HDGFL2: variants seen among roughly 807,000 people sequenced by gnomAD.
HDGFL2 encodes the protein HDGF like 2.
In HDGFL2, 36 loss-of-function variants were observed where a neutral mutation model predicts 77.1. The ratio of observed to expected loss-of-function variants is 0.47; its 90% CI spans 0.36 to 0.62. The LOEUF (loss-of-function observed/expected upper bound fraction) is 0.62, where lower values mean the gene tolerates loss of function less well. Among genes scored for constraint, HDGFL2 ranks in the 20% least tolerant of loss-of-function variants. HDGFL2 has a pLI of 0.00. For missense variants in HDGFL2, 976 were observed against 973.4 expected (o/e 1.00, Z -0.04); for synonymous variants, 463 against 413.1 (o/e 1.12, Z -1.46).
intron 3 of HDGFL2, among the ~76,000 whole-genome samples, chr19:4,485,037 A>G (rs1444579625): frequency 5.9e-5 from 9 of 151,750 alleles, no homozygotes; most frequent in Admixed American, 5.9e-4. Context: ...CCATCTCCTG[A>G]GCTTATGATC....
intron 10 of HDGFL2, chr19:4,496,869 C>CTTTTTT: frequency 2.6e-5 from 9 of 345,780 alleles, no homozygotes; most frequent in Non-Finnish European, 3.9e-5. Context: ...TCCCAGCTCA[C>CTTTTTT]TTTTTTTTTT....
rs747305046 is a variant in HDGFL2 at position 4,495,385 on chromosome 19, C to CAAAAAA, written c.1225-898_1225-893dup. Among the ~76,000 whole-genome samples, 194 of 54,094 alleles carry CAAAAAA rather than the reference C, an allele frequency of 3.6e-3. 11 individuals carry two copies. Among genetic ancestry groups the CAAAAAA allele is most frequent in the Non-Finnish European group, 4.1e-3 (129 of 31,182 alleles). The allele number at this position is 54,094 out of a possible 152,430, so 35.5% of individuals were successfully genotyped here. Reference sequence around the variant, plus strand: ...CCTGGGCCAGAGCGAGACTCCATCTCAAAAAAAAAAAAAAAAAAAAAAAAT... The same window carrying CAAAAAA: ...CCTGGGCCAGAGCGAGACTCCATCTCAAAAAAAAAAAAAAAAAAAAAAAAAAAAAAT... On this transcript the variant is annotated intron_variant, in intron 9 of 15. Coordinates refer to ENST00000616600, the MANE Select transcript of HDGFL2 (RefSeq NM_001001520.3).
chr19:4,483,716 G>A (rs1055394030), intron 3 of HDGFL2, among the ~76,000 whole-genome samples: 2 of 151,182 alleles, frequency 1.3e-5, no homozygotes, highest in East Asian at 3.9e-4. Flanking sequence ...GACACCATGC[G>A]TGCCCCACTC....
At chr19:4,485,443 A>G (rs1975335527) in intron 3 of HDGFL2, among the ~76,000 whole-genome samples, 2 of 152,030 alleles carry the variant, frequency 1.3e-5, no homozygotes, top group Admixed American at 6.6e-5. Flanking sequence ...GTGGCTTTTA[A>G]AAATCTCAGT....
intron 3 of HDGFL2, among the ~76,000 whole-genome samples, chr19:4,481,502 A>G (rs1975216721): frequency 6.9e-6 from 1 of 144,294 alleles, no homozygotes; most frequent in African/African-American, 2.6e-5. Context: ...AATTTTTTGT[A>G]TTTTTAGTAG....
At chr19:4,488,533 G>T (rs1975419229) in intron 3 of HDGFL2, 143 bp from the exon 4 acceptor site, 1 of 757,996 alleles carries the variant, frequency 1.3e-6, no homozygotes, top group Admixed American at 2.7e-5. Flanking sequence ...CTGGGCCTCG[G>T]TTTCCCCATT....
intron 3 of HDGFL2, among the ~76,000 whole-genome samples, chr19:4,485,250 A>G (rs186313197): frequency 1.8e-3 from 278 of 152,294 alleles, no homozygotes; most frequent in Non-Finnish European, 2.9e-3. Context: ...TAGAAATGGA[A>G]TCACACACTG....
intron 6 of HDGFL2, among the ~76,000 whole-genome samples, chr19:4,492,590 G>GGTATGTGT (rs1975546798): frequency 6.6e-6 from 1 of 151,070 alleles, no homozygotes; most frequent in Non-Finnish European, 1.5e-5. Context: ...TATGGTTTGT[G>GGTATGTGT]GTATGTGTGT....
chr19:4,496,277 A>G (rs774644290), intron 9 of HDGFL2, 25 bp from the exon 10 acceptor site: 1 of 1,598,672 alleles, frequency 6.3e-7, no homozygotes, highest in South Asian at 1.1e-5. Flanking sequence ...CCACTGCTCC[A>G]GCGCGCCCTT....
intron 4 of HDGFL2, among the ~76,000 whole-genome samples, chr19:4,489,563 C>A (rs949359523): frequency 3.3e-5 from 5 of 152,034 alleles, no homozygotes; most frequent in Non-Finnish European, 5.9e-5. Context: ...ACCACCACGC[C>A]CGGCTAATTT....
intron 4 of HDGFL2, among the ~76,000 whole-genome samples, chr19:4,489,259 C>CTT (rs11365024): frequency 1.4e-5 from 2 of 143,526 alleles, no homozygotes; most frequent in Non-Finnish European, 3.0e-5. Context: ...GGCCACCTTT[C>CTT]TTTTTTTTTT....
At chr19:4,473,985 G>A (rs961544169) in intron 1 of HDGFL2, among the ~76,000 whole-genome samples, 10 of 152,036 alleles carry the variant, frequency 6.6e-5, no homozygotes, top group African/African-American at 2.4e-4. Context: ...CGACGACCTG[G>A]ATAGTCCCAG....
At chr19:4,499,345 C>CAAA (rs371672305) in intron 13 of HDGFL2, 146 bp from the exon 14 acceptor site, 158 of 583,960 alleles carry the variant, frequency 2.7e-4, no homozygotes, top group Middle Eastern at 4.7e-4. Context: ...GACTCTGTCT[C>CAAA]AAAAAAAAAA....
Position 4,493,697 on chromosome 19 carries a change from C to T in HDGFL2, c.679-6C>T, listed in dbSNP as rs1164946265. The T allele has an allele frequency of 1.4e-6, 2 of 1,459,676 alleles. No homozygotes were observed. Among genetic ancestry groups the T allele is most frequent in the South Asian group, 2.8e-5 (2 of 70,536 alleles). 90.4% of individuals were successfully genotyped at this position (1,459,676 alleles called of 1,614,324 possible). The stretch of plus-strand genomic sequence containing the variant: ...GATGCTCACGCCTGTCCCTGCTTCT[C>T]CCCAGAAGGCGCCATCAGCCTCCGA... On this transcript the variant is annotated splice_region_variant and splice_polypyrimidine_tract_variant and intron_variant, in intron 6 of 15. Transcript: ENST00000616600.
chr19:4,475,628 G>T, intron 3 of HDGFL2, 45 bp downstream of exon 3: 1 of 1,528,648 alleles, frequency 6.5e-7, no homozygotes. Context: ...CGCTACTGAT[G>T]CAAGAAGGGG....
In HDGFL2 at chr19:4,485,129, A is replaced by C. The variant is rs865987511; in HGVS notation, c.289-3547A>C. Among the ~76,000 whole-genome samples, 28 of 152,188 alleles carry C rather than the reference A, an allele frequency of 1.8e-4. 1 individual carries two copies. The Middle Eastern group carries it at 0.014, about 74-fold the overall frequency. The stretch of plus-strand genomic sequence containing the variant: ...CCCAGGATATTTTCAACGCTTCACA[A>C]AGGAATCCTCTACCTGCTAGGTATC... On this transcript the variant is annotated intron_variant, in intron 3 of 15. Transcript: ENST00000616600.
chr19:4,473,671 G>A (rs1975000859), intron 1 of HDGFL2, among the ~76,000 whole-genome samples: 1 of 129,346 alleles, frequency 7.7e-6, no homozygotes. Flanking sequence ...GGGAAGCTGG[G>A]ACCTCTGAGT....
In HDGFL2 at chr19:4,502,070, C is replaced by A; in HGVS notation, c.*60C>A. 3 of 1,199,084 alleles carry A rather than the reference C, an allele frequency of 2.5e-6. No homozygotes were observed. The highest frequency in any genetic ancestry group is 3.6e-6 in the Non-Finnish European group (3 of 838,978). 74.3% of individuals were successfully genotyped at this position (1,199,084 alleles called of 1,614,324 possible). Reference sequence around the variant, plus strand: ...TCAGGCTGCCCCTCTCCTTCCCCGGCTCGCAGGAGAGCAGAGCAGAGAACT... The same window carrying A: ...TCAGGCTGCCCCTCTCCTTCCCCGGATCGCAGGAGAGCAGAGCAGAGAACT... On this transcript the variant is annotated 3_prime_UTR_variant, in exon 16 of 16. Coordinates refer to ENST00000616600, the MANE Select transcript of HDGFL2 (RefSeq NM_001001520.3).
chr19:4,489,794 A>G (rs1975460525), intron 4 of HDGFL2, among the ~76,000 whole-genome samples: 1 of 152,220 alleles, frequency 6.6e-6, no homozygotes, highest in Non-Finnish European at 1.5e-5. Context: ...CTTCCTGAAT[A>G]TACACCTCAG....
Sources: allele counts gnomAD v4.1 joint callset (sites outside exome capture counted in the v4.1 genomes callset), GRCh38; gene constraint gnomAD v4.1.1; transcripts MANE v1.5; gene names NCBI Gene and HGNC (gene_info 2026-07-23, HGNC 2026-07-21).